NEDD4: variants seen among roughly 807,000 people sequenced by gnomAD.
The protein encoded by NEDD4 is E3 ubiquitin-protein ligase NEDD4.
In NEDD4, 99 loss-of-function variants were observed where a neutral mutation model predicts 144.9. The ratio of observed to expected loss-of-function variants is 0.68; its 90% CI spans 0.58 to 0.81. NEDD4 has a LOEUF of 0.81. Among genes scored for constraint, NEDD4 ranks in the 30% least tolerant of loss-of-function variants. The pLI is 0.00. For synonymous variants in NEDD4, 318 were observed against 350.6 expected (o/e 0.91, Z 1.04); for missense variants, 985 against 1,065.9 (o/e 0.92, Z 1.06).
intron 5 of NEDD4, among the ~76,000 whole-genome samples, chr15:55,920,566 A>C: frequency 6.6e-6 from 1 of 152,342 alleles, no homozygotes; most frequent in South Asian, 2.1e-4. Flanking sequence ...AAGTGATATA[A>C]GCCTACTCTT....
At chr15:55,882,543 C>G (rs1463248120) in intron 5 of NEDD4, among the ~76,000 whole-genome samples, 1 of 152,212 alleles carries the variant, frequency 6.6e-6, no homozygotes, top group Non-Finnish European at 1.5e-5. Flanking sequence ...AGCCTCACCA[C>G]TGTGGGCTAA....
In NEDD4 at chr15:55,848,001, C is replaced by T. The variant is rs1317049875; in HGVS notation, c.1542+371G>A. Among the ~76,000 whole-genome samples, 3 of 152,004 alleles carry T rather than the reference C, an allele frequency of 2.0e-5. No individual in the cohort carries two copies. The East Asian group carries it at 5.8e-4, about 29-fold the overall frequency. ...TTCTATAAAAAAATTTAAGAATGAC[C>T]CTGGAGTGGATAGGGTGCTGCTGCT... On this transcript the variant is annotated intron_variant, in intron 17 of 28. Transcript: ENST00000435532.
chr15:55,886,420 T>G (rs1047722126), intron 5 of NEDD4, among the ~76,000 whole-genome samples: 1 of 152,180 alleles, frequency 6.6e-6, no homozygotes, highest in Non-Finnish European at 1.5e-5. Flanking sequence ...CATGGATCCT[T>G]CTCAAGGACA....
At chr15:55,861,066 A>G (rs1161210170) in intron 9 of NEDD4, among the ~76,000 whole-genome samples, 2 of 152,230 alleles carry the variant, frequency 1.3e-5, no homozygotes, top group African/African-American at 4.8e-5. Flanking sequence ...TAGGTACTCA[A>G]AAATATTTGT....
At chr15:55,891,151 T>C (rs766672918) in intron 5 of NEDD4, among the ~76,000 whole-genome samples, 5 of 152,246 alleles carry the variant, frequency 3.3e-5, no homozygotes, top group Non-Finnish European at 7.3e-5. Context: ...ACATTTTAAA[T>C]ATTTCTTGCA....
At chr15:55,984,484 C>T (rs1003035110) in intron 1 of NEDD4, among the ~76,000 whole-genome samples, 5 of 152,158 alleles carry the variant, frequency 3.3e-5, no homozygotes, top group Non-Finnish European at 7.4e-5. Context: ...CAGTTAAAGG[C>T]AGTTGCTATT....
intron 5 of NEDD4, among the ~76,000 whole-genome samples, chr15:55,923,344 A>G (rs1205351393): frequency 6.6e-6 from 1 of 152,152 alleles, no homozygotes; most frequent in Non-Finnish European, 1.5e-5. Flanking sequence ...TCTGTCACTT[A>G]GCCTTAAAAA....
intron 5 of NEDD4, chr15:55,915,733 C>T: frequency 6.2e-7 from 1 of 1,613,906 alleles, no homozygotes; most frequent in Non-Finnish European, 8.5e-7. Flanking sequence ...GATGACTTTT[C>T]ACAGACAGTC....
chr15:55,980,459 T>C lies in NEDD4; in HGVS notation c.45+13052A>G, dbSNP rs1384751413. On this transcript the variant is annotated intron_variant, in intron 1 of 28. Transcript: ENST00000435532. ...AAAAAATGCTATAAATCCTGATATGTGAGAATCCCACAGTGAAATGGTAGG... is the reference window on the plus strand; with the variant it reads ...AAAAAATGCTATAAATCCTGATATGCGAGAATCCCACAGTGAAATGGTAGG... Among the ~76,000 whole-genome samples the C allele has an allele frequency of 2.0e-5, 3 of 152,110 alleles. No homozygotes were observed. In the East Asian group the frequency reaches 5.8e-4, roughly 29 times the overall value.
chr15:55,838,237 A>G (rs2033305716), intron 22 of NEDD4, 57 bp from the exon 23 acceptor site: 1 of 1,223,840 alleles, frequency 8.2e-7, no homozygotes, highest in African/African-American at 1.5e-5. Context: ...TTTAAAAAGT[A>G]TACATATTGT....
chr15:55,973,930 T>C (rs2037657430), intron 1 of NEDD4, among the ~76,000 whole-genome samples: 1 of 150,038 alleles, frequency 6.7e-6, no homozygotes, highest in African/African-American at 2.4e-5. Flanking sequence ...ATAATAAAGA[T>C]CAGAGCAGAA....
intron 5 of NEDD4, among the ~76,000 whole-genome samples, chr15:55,875,727 T>C (rs2034970179): frequency 6.6e-6 from 1 of 152,032 alleles, no homozygotes; most frequent in Admixed American, 6.6e-5. Context: ...CTTGAAGATA[T>C]AGAGACAGAA....
intron 5 of NEDD4, among the ~76,000 whole-genome samples, chr15:55,903,562 C>T (rs978147181): frequency 3.3e-5 from 5 of 152,000 alleles, no homozygotes; most frequent in Admixed American, 6.5e-5. Context: ...AGGTGGCTCA[C>T]GCCTGTAATC....
At chr15:55,850,084 C>T (rs2033922497) in intron 14 of NEDD4, among the ~76,000 whole-genome samples, 1 of 152,168 alleles carries the variant, frequency 6.6e-6, no homozygotes, top group Non-Finnish European at 1.5e-5. Flanking sequence ...AGGCATGAGC[C>T]ACTGCACCCG....
chr15:55,928,964 CTT>C (rs2036728276), intron 4 of NEDD4, among the ~76,000 whole-genome samples: 1 of 152,154 alleles, frequency 6.6e-6, no homozygotes, highest in Non-Finnish European at 1.5e-5. Flanking sequence ...TATCTTCTCT[CTT>C]GGGAGAGTCT....
At chr15:55,964,692 GGTGTGTGT>G (rs58177503) in intron 2 of NEDD4, among the ~76,000 whole-genome samples, 13,571 of 137,136 alleles carry the variant, frequency 0.099, 790 homozygotes, top group Non-Finnish European at 0.14. Context: ...TTTTGCTGCT[GGTGTGTGT>G]GTGTGTGTGT....
chr15:55,835,551 C>G (rs2033157931), intron 24 of NEDD4, among the ~76,000 whole-genome samples: 1 of 151,870 alleles, frequency 6.6e-6, no homozygotes, highest in Middle Eastern at 3.4e-3. Context: ...ACAGCCCTTT[C>G]ACATTTTCCA....
At chr15:55,876,992 A>G (rs1306615297) in intron 5 of NEDD4, among the ~76,000 whole-genome samples, 2 of 151,990 alleles carry the variant, frequency 1.3e-5, no homozygotes, top group Non-Finnish European at 2.9e-5. Context: ...GGTGTGAGCC[A>G]CTGTGCCCAG....
At chr15:55,916,902 A>C (rs2036468685) in intron 5 of NEDD4, 84 of 1,523,854 alleles carry the variant, frequency 5.5e-5, no homozygotes, top group Non-Finnish European at 7.4e-5. Context: ...ACAGGCTAGA[A>C]GCAGCTGCAC....
Sources: allele counts gnomAD v4.1 joint callset (sites outside exome capture counted in the v4.1 genomes callset), GRCh38; gene constraint gnomAD v4.1.1; transcripts MANE v1.5; gene names NCBI Gene and HGNC (gene_info 2026-07-23, HGNC 2026-07-21).